Variants in SCN3A observed in about 807,000 individuals in gnomAD.
SCN3A encodes sodium channel protein type 3 subunit alpha.
A neutral mutation model predicts 187.6 loss-of-function variants in SCN3A; 60 were observed. The observed-to-expected ratio is 0.32, with a 90% CI of 0.26 to 0.40. The LOEUF (loss-of-function observed/expected upper bound fraction) is 0.40, where lower values mean the gene tolerates loss of function less well. Among genes scored for constraint, SCN3A ranks in the 10% least tolerant of loss-of-function variants. SCN3A has a pLI of 1.00. For synonymous variants in SCN3A, 788 were observed against 829.2 expected, an observed-to-expected ratio of 0.95 and a Z score of 0.85; for missense variants, 1,601 against 2,428.2, an observed-to-expected ratio of 0.66 and a Z score of 7.16.
Position 165,146,925 on chromosome 2 carries a change from A to G in SCN3A, c.1485T>C (p.Ser495=). The G allele has an allele frequency of 1.9e-6, 3 of 1,613,880 alleles. No individual in the cohort carries two copies. The highest frequency in any genetic ancestry group is 3.3e-4 in the Middle Eastern group (2 of 6,062). ...SSEASKLSSK[S]AKEWRNRRKK... ...TCCTTCGGTTCCTCCATTCTTTAGC[A>G]CTTTTGGAACTCAACTTTGATGCTT... is the stretch of plus-strand genomic sequence containing the variant. Residue 495 remains serine (S), a synonymous_variant, in exon 12 of 28, where the codon AGT becomes AGC. Coordinates refer to ENST00000283254, the MANE Select transcript of SCN3A (RefSeq NM_006922.4).
At chr2:165,104,123 G>T (rs1685737694) in intron 21 of SCN3A, among the ~76,000 whole-genome samples, 1 of 151,886 alleles carries the variant, frequency 6.6e-6, no homozygotes, top group Non-Finnish European at 1.5e-5. Context: ...TTTTAAAAAA[G>T]TTTGTGTAGG....
At chr2:165,151,262 C>T (rs1270324812) in intron 11 of SCN3A, among the ~76,000 whole-genome samples, 1 of 152,166 alleles carries the variant, frequency 6.6e-6, no homozygotes, top group Admixed American at 6.6e-5. Flanking sequence ...ATTTGTTGTG[C>T]ATCTTCAAAG....
chr2:165,182,203 T>G (rs1574318283), intron 2 of SCN3A, among the ~76,000 whole-genome samples: 1 of 152,276 alleles, frequency 6.6e-6, no homozygotes, highest in Non-Finnish European at 1.5e-5. Flanking sequence ...AAATCTATAC[T>G]TCGAGAACAA....
rs201396201 is a variant in SCN3A, at chr2:165,134,198, A to G, written c.2392-2781T>C. On this transcript the variant is annotated intron_variant, in intron 15 of 27. Transcript: ENST00000283254. Reference sequence around the variant, plus strand: ...TAAATGTGTATTTGACAATAGAAAGAAAAACAATGAAACAAACACAACATT... The same window carrying G: ...TAAATGTGTATTTGACAATAGAAAGGAAAACAATGAAACAAACACAACATT... 7.9e-5 allele frequency among the ~76,000 whole-genome samples: 12 copies of G among 152,342 alleles called. No homozygotes were observed. In the East Asian group the frequency reaches 2.1e-3, roughly 27 times the overall value.
chr2:165,153,787 C>T (rs903652119), intron 11 of SCN3A, among the ~76,000 whole-genome samples: 2 of 151,902 alleles, frequency 1.3e-5, no homozygotes, highest in African/African-American at 4.8e-5. Flanking sequence ...ACTATATATT[C>T]GTGAGTCTTC....
In SCN3A at chr2:165,140,520, A is replaced by T. The variant is rs78130999; in HGVS notation, c.2019+131T>A. The T allele has an allele frequency of 2.0e-3, 1,515 of 761,312 alleles. 19 individuals are homozygous for T. The African/African-American group carries it at 0.024, about 12-fold the overall frequency. 47.2% of individuals were successfully genotyped at this position (761,312 alleles called of 1,614,324 possible). A position where few individuals can be genotyped will look rare whatever the true frequency, so the allele number is the denominator to read the frequency against. ...TCAATATTCTATTGTTTTCCCTTTG[A>T]TTAATCATGTATTATTTTTACCAAC... On this transcript the variant is annotated intron_variant, in intron 13 of 27. Coordinates refer to ENST00000283254, the MANE Select transcript of SCN3A (RefSeq NM_006922.4). This position sits in a 1 kb window ranked among gnomAD's most constrained non-coding sequence, Gnocchi z 4.2.
chr2:165,189,503 A>C lies in SCN3A; in HGVS notation c.-247-2756T>G, dbSNP rs1691461250. 2.0e-5 allele frequency among the ~76,000 whole-genome samples: 3 copies of C among 152,208 alleles called. No individual in the cohort carries two copies. The South Asian group carries it at 6.2e-4, about 32-fold the overall frequency. ...TTTAGGAGAAATTCTTTGGTTTTCA[A>C]ATAAGGAAGTGATAGCTCAAACAGC... On this transcript the variant is annotated intron_variant, in intron 1 of 27. Coordinates refer to ENST00000283254, the MANE Select transcript of SCN3A (RefSeq NM_006922.4).
At chr2:165,091,878 A>T (rs1685123576) in intron 27 of SCN3A, 1 of 322,434 alleles carries the variant, frequency 3.1e-6, no homozygotes. Context: ...GTGTTAACTC[A>T]TTCCAGCAGA....
intron 1 of SCN3A, among the ~76,000 whole-genome samples, chr2:165,200,122 CA>C: frequency 6.6e-6 from 1 of 152,086 alleles, no homozygotes; most frequent in Middle Eastern, 3.4e-3. Context: ...GTAAGCATGA[CA>C]TTTTGAAAAT....
At chr2:165,166,452 T>C (rs373158864) in intron 5 of SCN3A, among the ~76,000 whole-genome samples, 9 of 152,340 alleles carry the variant, frequency 5.9e-5, no homozygotes, top group African/African-American at 2.2e-4. Context: ...ACCTTGAAAT[T>C]TGGCTAATCT....
rs562057467 is a variant in SCN3A at position 165,156,369 on chromosome 2, T to C, written c.1032-466A>G. Among the ~76,000 whole-genome samples, 274 of 150,186 alleles carry C rather than the reference T, an allele frequency of 1.8e-3. 1 individual carries two copies. Among genetic ancestry groups the C allele is most frequent in the Admixed American group, 4.8e-3 (72 of 15,102 alleles). On this transcript the variant is annotated intron_variant, in intron 9 of 27. Coordinates refer to ENST00000283254, the MANE Select transcript of SCN3A (RefSeq NM_006922.4). The stretch of plus-strand genomic sequence containing the variant: ...AAAATACAAAAAAAAAACAATTAGC[T>C]GGGCGTTGTGGTGGGTGCCTGTAGT...
At chr2:165,179,301 T>C (rs536030602) in intron 2 of SCN3A, among the ~76,000 whole-genome samples, 309 of 152,308 alleles carry the variant, frequency 2.0e-3, no homozygotes, top group Middle Eastern at 3.4e-3. Flanking sequence ...CTCAGTATCA[T>C]TGAGGCACCT....
chr2:165,106,619 CAGT>C (rs1685873036), intron 21 of SCN3A, among the ~76,000 whole-genome samples: 1 of 152,106 alleles, frequency 6.6e-6, no homozygotes, highest in Non-Finnish European at 1.5e-5. Context: ...AGGAAAGTAA[CAGT>C]AGATGCTGCA....
Position 165,191,824 on chromosome 2 carries a change from A to G in SCN3A, c.-247-5077T>C, listed in dbSNP as rs138377685. Among the ~76,000 whole-genome samples the G allele has an allele frequency of 8.4e-3, 1,274 of 152,304 alleles. 4 individuals carry two copies. Among genetic ancestry groups the G allele is most frequent in the Admixed American group, 0.013 (194 of 15,280 alleles). On this transcript the variant is annotated intron_variant, in intron 1 of 27. Transcript: ENST00000283254. ...GCCTTTTTGGGGTCTATTTTCACCA[A>G]TGAATCTCATGTGTCTAGAACAGTA...
intron 18 of SCN3A, among the ~76,000 whole-genome samples, chr2:165,125,409 T>C (rs1660838572): frequency 6.6e-6 from 1 of 152,116 alleles, no homozygotes. Flanking sequence ...GTTCACACCA[T>C]TCTCCCGCCT....
rs149911613 is a variant in SCN3A, at chr2:165,127,768, C to A, written c.3256G>T (p.Asp1086Tyr). Residue 1086 changes from aspartate (D) to tyrosine (Y), a missense_variant, in exon 18 of 28, where the codon GAT becomes TAT. Transcript: ENST00000283254. ...ATGAATGACATATAATCATTTTCAT[C>A]GATTACGTATTTTTCAACACTGCTT... ...TGSSVEKYVIDENDYMSFINN... is the reference protein window; with the variant it reads ...TGSSVEKYVIYENDYMSFINN... 14 of 1,614,048 alleles carry A rather than the reference C, an allele frequency of 8.7e-6. No individual in the cohort carries two copies. The highest frequency in any genetic ancestry group is 1.2e-5 in the Non-Finnish European group (14 of 1,179,950).
At chr2:165,124,755 G>A (rs1054550154) in intron 18 of SCN3A, among the ~76,000 whole-genome samples, 1 of 152,076 alleles carries the variant, frequency 6.6e-6, no homozygotes, top group Non-Finnish European at 1.5e-5. Context: ...AGGTTCTTTA[G>A]TAGGTTTGTC....
chr2:165,136,962 A>G (rs989427899), intron 15 of SCN3A, among the ~76,000 whole-genome samples: 4 of 152,270 alleles, frequency 2.6e-5, no homozygotes, highest in African/African-American at 9.6e-5. Flanking sequence ...AGGCTGATTA[A>G]ATCAGAGGTG....
rs188789107 is a variant in SCN3A, at chr2:165,174,047, A to T, written c.264+2084T>A. Among the ~76,000 whole-genome samples, 25 of 152,294 alleles carry T rather than the reference A, an allele frequency of 1.6e-4. No individual in the cohort carries two copies. The East Asian group carries it at 4.8e-3, about 29-fold the overall frequency. ...CCTGATATATAAAATAAGAATGCCAACCTATTTATTTATTTAGACAGGACC... is the reference window on the plus strand; with the variant it reads ...CCTGATATATAAAATAAGAATGCCATCCTATTTATTTATTTAGACAGGACC... On this transcript the variant is annotated intron_variant, in intron 3 of 27. Transcript: ENST00000283254.
Sources: allele counts gnomAD v4.1 joint callset (sites outside exome capture counted in the v4.1 genomes callset), GRCh38; gene constraint gnomAD v4.1.1; non-coding constraint Gnocchi (gnomAD v3.1); transcripts MANE v1.5; gene names NCBI Gene and HGNC (gene_info 2026-07-23, HGNC 2026-07-21).